The following GJC2 variants were observed in gnomAD, a reference collection of about 807,000 sequenced individuals.
GJC2 encodes gap junction protein gamma 2.
For synonymous variants in GJC2, 336 were observed against 307.5 expected, an observed-to-expected ratio of 1.09 and a Z score of -0.97; for missense variants, 647 against 648.9, an observed-to-expected ratio of 1.00 and a Z score of 0.03.
In GJC2 at chr1:228,157,974, G is replaced by C; in HGVS notation, c.216G>C (p.Ala72=). ...ACAACGTCTGCTATGACGCCTTCGC[G>C]CCCCTGTCGCACGTGCGCTTCTGGG... The part of the protein sequence containing the change: ...GCDNVCYDAF[A]PLSHVRFWVF... The change falls in exon 2 of 2, where the codon GCG becomes GCC. Residue 72 remains alanine (A), a synonymous_variant. Transcript: ENST00000366714. 1.2e-6 allele frequency: 2 copies of C among 1,612,338 alleles called. No individual in the cohort carries two copies.
At chr1:228,155,447 C>T (rs571722295) in intron 1 of GJC2, among the ~76,000 whole-genome samples, 2 of 152,312 alleles carry the variant, frequency 1.3e-5, no homozygotes, top group East Asian at 1.9e-4. Context: ...TGAGGCCCTG[C>T]AGGCGGGGCC....
At position 228,158,235 on chromosome 1, in the gene GJC2, G is replaced by T. The variant is rs780785721; in HGVS notation, c.477G>T (p.Thr159=). ...GCGAGGAGGAGGAGGAGGAGGAGAC[G>T]GGGGCAGCCGAGGGCGCCGGCGAGG... The part of the protein sequence containing the change: ...GLGEEEEEEE[T]GAAEGAGEEA... The change falls in exon 2 of 2, where the codon ACG becomes ACT. Residue 159 remains threonine, a synonymous_variant. Transcript: ENST00000366714. This position sits in a 1 kb window ranked among gnomAD's most constrained non-coding sequence, Gnocchi z 8.3. 4 of 1,506,592 alleles carry T rather than the reference G, an allele frequency of 2.7e-6. No homozygotes were observed. The highest frequency in any genetic ancestry group is 2.3e-4 in the Middle Eastern group (1 of 4,316). The allele number at this position is 1,506,592 out of a possible 1,614,324, so 93.3% of individuals were successfully genotyped here.
Position 228,158,687 on chromosome 1 carries a change from C to G in GJC2, c.929C>G (p.Ala310Gly). 1.9e-6 allele frequency: 2 copies of G among 1,060,908 alleles called. No homozygotes were observed. Among genetic ancestry groups the G allele is most frequent in the Non-Finnish European group, 2.3e-6 (2 of 878,308 alleles). 65.7% of individuals were successfully genotyped at this position (1,060,908 alleles called of 1,614,324 possible). The change falls in exon 2 of 2, where the codon GCC becomes GGC. Residue 310 changes from alanine (A) to glycine (G), a missense_variant. By Grantham distance (60) the Ala-to-Gly change is moderately conservative. Coordinates refer to ENST00000366714, the MANE Select transcript of GJC2 (RefSeq NM_020435.4). This position sits in a 1 kb window ranked among gnomAD's most constrained non-coding sequence, Gnocchi z 8.3. Reference protein sequence around the residue: ...GRRGPPASAPAPAPRPPPCAF... With the variant: ...GRRGPPASAPGPAPRPPPCAF... ...CGCGGCCCCCCGGCCTCCGCCCCCG[C>G]CCCCGCGCCGCGGCCCCCGCCCTGC... is the stretch of plus-strand genomic sequence containing the variant.
chr1:228,159,018 G>C lies in GJC2; in HGVS notation c.1260G>C (p.Arg420Ser). The C allele has an allele frequency of 6.2e-7, 1 of 1,608,568 alleles. No homozygotes were observed. Among genetic ancestry groups the C allele is most frequent in the Non-Finnish European group, 8.5e-7 (1 of 1,179,056 alleles). ...ACGAGCGGCCAGGAGCCAAGCCCAG[G>C]GCTGGCTCCGAGAAGGGCAGTGCCA... ...GTHERPGAKP[R>S]AGSEKGSASS... The change falls in exon 2 of 2, where the codon AGG becomes AGC. Residue 420 changes from arginine (R) to serine (S), a missense_variant. Arg to Ser is a moderately radical substitution (Grantham distance 110, BLOSUM62 -1). Coordinates refer to ENST00000366714, the MANE Select transcript of GJC2 (RefSeq NM_020435.4). The surrounding 1 kb of genome is among the most constrained non-coding windows in gnomAD (Gnocchi z 4.0).
intron 1 of GJC2, among the ~76,000 whole-genome samples, chr1:228,157,225 G>A (rs991967765): frequency 2.0e-5 from 3 of 147,358 alleles, no homozygotes; most frequent in Admixed American, 2.0e-4. Context: ...GGGGCTATGG[G>A]GATTGTGGAC....
chr1:228,157,691 G>C, intron 1 of GJC2, 49 bp from the exon 2 acceptor site: 1 of 1,124,894 alleles, frequency 8.9e-7, no homozygotes, highest in South Asian at 1.5e-5. Context: ...TCTGAGCGCC[G>C]CGGGCTCCTA....
chr1:228,158,798 A>C lies in GJC2; in HGVS notation c.1040A>C (p.Asp347Ala). The C allele has an allele frequency of 6.9e-7, 1 of 1,443,368 alleles. No homozygotes were observed. Among genetic ancestry groups the C allele is most frequent in the Non-Finnish European group, 9.1e-7 (1 of 1,101,222 alleles). 89.4% of individuals were successfully genotyped at this position (1,443,368 alleles called of 1,614,324 possible). A position where few individuals can be genotyped will look rare whatever the true frequency, so the allele number is the denominator to read the frequency against. Residue 347 changes from aspartate to alanine, a missense_variant, in exon 2 of 2, where the codon GAC (aspartate) becomes GCC (alanine). Coordinates refer to ENST00000366714, the MANE Select transcript of GJC2 (RefSeq NM_020435.4). The surrounding 1 kb of genome is among the most constrained non-coding windows in gnomAD (Gnocchi z 8.3). ...VRAAERARAH[D>A]QNLANLALQA... Reference sequence around the variant, plus strand: ...GCGGCCGAGCGCGCTCGGGCGCATGACCAGAACCTGGCAAACCTGGCCCTG... The same window carrying C: ...GCGGCCGAGCGCGCTCGGGCGCATGCCCAGAACCTGGCAAACCTGGCCCTG...
Position 228,158,572 on chromosome 1 carries a change from T to C in GJC2, c.814T>C (p.Tyr272His), listed in dbSNP as rs74315314. 6.2e-7 allele frequency: 1 copy of C among 1,612,556 alleles called. No individual in the cohort carries two copies. Among genetic ancestry groups the C allele is most frequent in the South Asian group, 1.1e-5 (1 of 91,088 alleles). ...AAAGACGGTCTTCCTGCTGGTTATG[T>C]ACGTGGTCAGCTGCCTGTGCCTGCT... ...TEKTVFLLVM[Y>H]VVSCLCLLLN... Residue 272 changes from tyrosine (Y) to histidine (H), a missense_variant, in exon 2 of 2, where the codon TAC becomes CAC. Coordinates refer to ENST00000366714, the MANE Select transcript of GJC2 (RefSeq NM_020435.4). This position sits in a 1 kb window ranked among gnomAD's most constrained non-coding sequence, Gnocchi z 8.3.
In GJC2 at chr1:228,158,650, G is replaced by GCCGC; in HGVS notation, c.892_893insCCGC (p.Val298AlafsTer51). The GCCGC allele has an allele frequency of 6.4e-7, 1 of 1,572,906 alleles. No individual in the cohort carries two copies. The highest frequency in any genetic ancestry group is 8.6e-7 in the Non-Finnish European group (1 of 1,160,444). The stretch of plus-strand genomic sequence containing the variant: ...GGGCTTGGGCAGCGCGCAGGACGCG[G>GCCGC]TGCGCGGCCGCCGCGGCCCCCCGGC... On this transcript the variant is annotated frameshift_variant, in exon 2 of 2. Coordinates refer to ENST00000366714, the MANE Select transcript of GJC2 (RefSeq NM_020435.4). LOFTEE classifies it low-confidence loss of function (END_TRUNC). The surrounding 1 kb of genome is among the most constrained non-coding windows in gnomAD (Gnocchi z 8.3).
At chr1:228,154,446 G>A (rs1291995174) in intron 1 of GJC2, among the ~76,000 whole-genome samples, 2 of 152,174 alleles carry the variant, frequency 1.3e-5, no homozygotes, top group African/African-American at 2.4e-5. Flanking sequence ...CACCATTCAC[G>A]ATGCTTGTGA....
At chr1:228,153,331 G>T (rs1396642986) in intron 1 of GJC2, among the ~76,000 whole-genome samples, 1 of 151,756 alleles carries the variant, frequency 6.6e-6, no homozygotes, top group African/African-American at 2.4e-5. Flanking sequence ...GGAGACGATG[G>T]TGAGTTATGA....
chr1:228,157,077 A>ACCT (rs1241723686), intron 1 of GJC2, among the ~76,000 whole-genome samples: 3 of 148,362 alleles, frequency 2.0e-5, no homozygotes, highest in African/African-American at 7.8e-5. Context: ...GGGCAGCGGG[A>ACCT]CCAGCCGGGG....
intron 1 of GJC2, among the ~76,000 whole-genome samples, chr1:228,156,734 C>G (rs1020593726): frequency 6.6e-6 from 1 of 152,232 alleles, no homozygotes; most frequent in Admixed American, 6.5e-5. Flanking sequence ...GACCCAGGAG[C>G]AGGTACTGGC....
At position 228,158,919 on chromosome 1, in the gene GJC2, A is replaced by G. The variant is rs1411002469; in HGVS notation, c.1161A>G (p.Ala387=). Residue 387 remains alanine (A), a synonymous_variant, in exon 2 of 2, where the codon GCA becomes GCG. Coordinates refer to ENST00000366714, the MANE Select transcript of GJC2 (RefSeq NM_020435.4). This position sits in a 1 kb window ranked among gnomAD's most constrained non-coding sequence, Gnocchi z 8.3. ...LPAASRGPPR[A]GAPASRTGSA... Reference sequence around the variant, plus strand: ...CGGCCTCCCGGGGGCCCCCCAGAGCAGGCGCCCCCGCGTCCCGGACGGGCA... The same window carrying G: ...CGGCCTCCCGGGGGCCCCCCAGAGCGGGCGCCCCCGCGTCCCGGACGGGCA... 1 of 1,508,486 alleles carries G rather than the reference A, an allele frequency of 6.6e-7. No homozygotes were observed. Among genetic ancestry groups the G allele is most frequent in the Non-Finnish European group, 8.8e-7 (1 of 1,135,076 alleles). 93.4% of individuals were successfully genotyped at this position (1,508,486 alleles called of 1,614,324 possible). A position where few individuals can be genotyped will look rare whatever the true frequency, so the allele number is the denominator to read the frequency against.
chr1:228,156,212 G>A (rs570008022), intron 1 of GJC2, among the ~76,000 whole-genome samples: 39 of 152,282 alleles, frequency 2.6e-4, no homozygotes, highest in South Asian at 4.1e-4. Flanking sequence ...TTGTGCATAC[G>A]TATGTGCATG....
rs1437124522 is a variant in GJC2, at chr1:228,158,096, C to T, written c.338C>T (p.Ala113Val). ...GCGTCTGAGCAGGAGCGGCGCCGCG[C>T]CCTCCGCCGCCGCCCGGGGCCACGC... is the stretch of plus-strand genomic sequence containing the variant. Reference protein sequence around the residue: ...ARASEQERRRALRRRPGPRRA... With the variant: ...ARASEQERRRVLRRRPGPRRA... Residue 113 changes from alanine to valine, a missense_variant, in exon 2 of 2, where the codon GCC becomes GTC. Ala to Val is a moderately conservative substitution (Grantham distance 64). Coordinates refer to ENST00000366714, the MANE Select transcript of GJC2 (RefSeq NM_020435.4). The surrounding 1 kb of genome is among the most constrained non-coding windows in gnomAD (Gnocchi z 8.3). The T allele has an allele frequency of 1.4e-6, 2 of 1,478,530 alleles. No homozygotes were observed. The highest frequency in any genetic ancestry group is 2.4e-5 in the South Asian group (2 of 82,736). 91.6% of individuals were successfully genotyped at this position (1,478,530 alleles called of 1,614,324 possible). A position where few individuals can be genotyped will look rare whatever the true frequency, so the allele number is the denominator to read the frequency against.
At chr1:228,156,177 T>G (rs2034676731) in intron 1 of GJC2, among the ~76,000 whole-genome samples, 1 of 152,160 alleles carries the variant, frequency 6.6e-6, no homozygotes, top group African/African-American at 2.4e-5. Context: ...TCTGTGTGCA[T>G]GTGTGTGCAT....
chr1:228,150,164 C>G lies in GJC2; in HGVS notation c.-20+157C>G, dbSNP rs1247137887. ...GGTGCACTCCTTGCGCCTGCCACCCCCTCCTGGGCTCCGCTGCTCCACGCA... is the reference window on the plus strand; with the variant it reads ...GGTGCACTCCTTGCGCCTGCCACCCGCTCCTGGGCTCCGCTGCTCCACGCA... On this transcript the variant is annotated intron_variant, in intron 1 of 1. Transcript: ENST00000366714. The surrounding 1 kb of genome is among the most constrained non-coding windows in gnomAD (Gnocchi z 4.6). 1.3e-5 allele frequency among the ~76,000 whole-genome samples: 2 copies of G among 152,272 alleles called. No individual in the cohort carries two copies. Among genetic ancestry groups the G allele is most frequent in the African/African-American group, 2.4e-5 (1 of 41,566 alleles).
Position 228,158,142 on chromosome 1 carries a change from G to A in GJC2, c.384G>A (p.Leu128=). 1 of 1,296,688 alleles carries A rather than the reference G, an allele frequency of 7.7e-7. No homozygotes were observed. The highest frequency in any genetic ancestry group is 9.8e-7 in the Non-Finnish European group (1 of 1,024,232). The allele number at this position is 1,296,688 out of a possible 1,614,324, so 80.3% of individuals were successfully genotyped here. ...PGPRRAPRAH[L]PPPHAGWPEP... ...CACGCCGCGCGCCCCGAGCGCACCT[G>A]CCGCCCCCGCACGCCGGCTGGCCTG... The change falls in exon 2 of 2, where the codon CTG becomes CTA. Residue 128 remains leucine (L), a synonymous_variant. Coordinates refer to ENST00000366714, the MANE Select transcript of GJC2 (RefSeq NM_020435.4). The surrounding 1 kb of genome is among the most constrained non-coding windows in gnomAD (Gnocchi z 8.3).
Sources: allele counts gnomAD v4.1 joint callset (sites outside exome capture counted in the v4.1 genomes callset), GRCh38; gene constraint gnomAD v4.1.1; non-coding constraint Gnocchi (gnomAD v3.1); transcripts MANE v1.5; gene names NCBI Gene and HGNC (gene_info 2026-07-23, HGNC 2026-07-21).